Variants in BCAS4 observed in about 807,000 individuals in gnomAD.
BCAS4 encodes breast carcinoma-amplified sequence 4.
Under a neutral mutation model 15.7 loss-of-function variants are expected in BCAS4, and 9 were observed. That is an observed-to-expected ratio of 0.57 (90% CI 0.34 to 1.00). The LOEUF (loss-of-function observed/expected upper bound fraction) is 1.00. Ranked by LOEUF, BCAS4 falls within the 50% of genes least tolerant of loss-of-function variation. The pLI is 0.02. For synonymous variants in BCAS4, 101 were observed against 99.5 expected, an observed-to-expected ratio of 1.02 and a Z score of -0.09; for missense variants, 225 against 239.1, an observed-to-expected ratio of 0.94 and a Z score of 0.39.
At chr20:50,849,168 C>T (rs896497174) in intron 4 of BCAS4, among the ~76,000 whole-genome samples, 5 of 152,268 alleles carry the variant, frequency 3.3e-5, no homozygotes, top group African/African-American at 1.2e-4. Flanking sequence ...TGTTGTAAAC[C>T]ACTGTTTGTT....
At chr20:50,846,400 A>G (rs989398583) in intron 4 of BCAS4, among the ~76,000 whole-genome samples, 4 of 152,080 alleles carry the variant, frequency 2.6e-5, no homozygotes, top group Admixed American at 1.3e-4. Flanking sequence ...TTGGGAGGCC[A>G]GGGTGGGAGG....
At chr20:50,801,593 A>C (rs771099212) in intron 1 of BCAS4, among the ~76,000 whole-genome samples, 20 of 152,080 alleles carry the variant, frequency 1.3e-4, no homozygotes, top group Admixed American at 3.9e-4. Context: ...TGCCCACCTC[A>C]GCCTCCCAAA....
At chr20:50,859,846 A>G (rs571557890) in intron 4 of BCAS4, among the ~76,000 whole-genome samples, 9 of 152,346 alleles carry the variant, frequency 5.9e-5, no homozygotes, top group African/African-American at 2.2e-4. Context: ...GTTACAAGAA[A>G]TAACATGGAG....
intron 1 of BCAS4, among the ~76,000 whole-genome samples, chr20:50,810,225 G>A (rs984567816): frequency 2.0e-5 from 3 of 151,710 alleles, no homozygotes; most frequent in African/African-American, 7.3e-5. Flanking sequence ...TTCCCGGAGG[G>A]TGAATCAGAA....
intron 1 of BCAS4, among the ~76,000 whole-genome samples, chr20:50,817,557 G>A (rs931763623): frequency 2.0e-5 from 3 of 152,100 alleles, no homozygotes; most frequent in Non-Finnish European, 2.9e-5. Flanking sequence ...CCGCCTCCTA[G>A]GTTCAAGCGA....
chr20:50,851,308 G>A lies in BCAS4; in HGVS notation c.399+9408G>A, dbSNP rs1281799913. 6.6e-6 allele frequency among the ~76,000 whole-genome samples: 1 copy of A among 152,098 alleles called. No individual in the cohort carries two copies. Among genetic ancestry groups the A allele is most frequent in the African/African-American group, 2.4e-5 (1 of 41,410 alleles). ...AGCAGATAGCAAATATGAGGACCACGACTGTGGAGGGCCGAGGGGTGCCGG... is the reference window on the plus strand; with the variant it reads ...AGCAGATAGCAAATATGAGGACCACAACTGTGGAGGGCCGAGGGGTGCCGG... On this transcript the variant is annotated intron_variant, in intron 4 of 4. Transcript: ENST00000371608. This position sits in a 1 kb window ranked among gnomAD's most constrained non-coding sequence, Gnocchi z 4.3.
intron 3 of BCAS4, chr20:50,840,719 C>T (rs192491762): frequency 4.3e-6 from 7 of 1,612,504 alleles, no homozygotes; most frequent in South Asian, 3.3e-5. Context: ...TCGAATTTCT[C>T]GATCTCAGCC....
At chr20:50,798,700 C>T (rs528192046) in intron 1 of BCAS4, among the ~76,000 whole-genome samples, 38 of 152,238 alleles carry the variant, frequency 2.5e-4, no homozygotes, top group Middle Eastern at 3.4e-3. Context: ...TCCCATGAGA[C>T]GCGTGGCTGC....
At chr20:50,837,523 T>C (rs2123801007) in intron 3 of BCAS4, among the ~76,000 whole-genome samples, 1 of 152,332 alleles carries the variant, frequency 6.6e-6, no homozygotes, top group South Asian at 2.1e-4. Context: ...AAGTAGTATA[T>C]CTTTATTGAA....
At chr20:50,829,165 C>T (rs1012429660) in intron 2 of BCAS4, among the ~76,000 whole-genome samples, 4 of 152,186 alleles carry the variant, frequency 2.6e-5, no homozygotes, top group Admixed American at 2.0e-4. Context: ...GCTGAAAGTG[C>T]GGATTCTCAA....
chr20:50,804,674 T>C (rs986920875), intron 1 of BCAS4, among the ~76,000 whole-genome samples: 3 of 152,358 alleles, frequency 2.0e-5, no homozygotes, highest in Middle Eastern at 3.4e-3. Context: ...GCATTTTAAA[T>C]GTTCGTTACT....
At chr20:50,842,618 A>G (rs1241877115) in intron 4 of BCAS4, among the ~76,000 whole-genome samples, 1 of 152,176 alleles carries the variant, frequency 6.6e-6, no homozygotes, top group Non-Finnish European at 1.5e-5. Context: ...GGGTTTCACC[A>G]TGTTGGCCAG....
chr20:50,836,918 A>T (rs1189679998), intron 3 of BCAS4, among the ~76,000 whole-genome samples: 1 of 152,074 alleles, frequency 6.6e-6, no homozygotes, highest in Non-Finnish European at 1.5e-5. Context: ...CATGTTGCTC[A>T]GGCTTATCTT....
At chr20:50,838,027 G>A (rs1051853242) in intron 3 of BCAS4, among the ~76,000 whole-genome samples, 4 of 150,032 alleles carry the variant, frequency 2.7e-5, no homozygotes, top group East Asian at 4.0e-4. Flanking sequence ...CACACATGAC[G>A]TGGCTGATTC....
intron 3 of BCAS4, among the ~76,000 whole-genome samples, chr20:50,831,915 T>C (rs11905485): frequency 0.12 from 17,703 of 152,266 alleles, 1,112 homozygotes; most frequent in South Asian, 0.16. Context: ...CAGCAGAGAA[T>C]GAAGCAGGAA....
chr20:50,857,421 T>G (rs1268441147), intron 4 of BCAS4, among the ~76,000 whole-genome samples: 4 of 152,102 alleles, frequency 2.6e-5, no homozygotes, highest in Non-Finnish European at 5.9e-5. Flanking sequence ...TTGAGCCACC[T>G]CACCCAGCTG....
intron 1 of BCAS4, among the ~76,000 whole-genome samples, chr20:50,796,018 A>G (rs1303879662): frequency 1.3e-5 from 2 of 151,182 alleles, no homozygotes; most frequent in African/African-American, 4.9e-5. Flanking sequence ...GACGGGGAAG[A>G]GTGAGGCTGC....
chr20:50,868,526 G>A (rs1162389171), intron 4 of BCAS4, among the ~76,000 whole-genome samples: 5 of 152,120 alleles, frequency 3.3e-5, no homozygotes, highest in East Asian at 1.9e-4. Context: ...GGGCTCAAGC[G>A]ATCCTCTCAC....
At chr20:50,874,487 A>G (rs1979824201) in intron 4 of BCAS4, among the ~76,000 whole-genome samples, 1 of 152,176 alleles carries the variant, frequency 6.6e-6, no homozygotes, top group Non-Finnish European at 1.5e-5. Context: ...CTGTCCTGCC[A>G]TCAGCCCGCA....
Sources: gnomAD v4.1 joint callset for allele counts (sites outside exome capture counted in the v4.1 genomes callset) on GRCh38, gnomAD v4.1.1 for gene constraint, Gnocchi (gnomAD v3.1) non-coding constraint, MANE v1.5 for transcripts, NCBI Gene and HGNC (gene_info 2026-07-23, HGNC 2026-07-21) for gene names.